Variants in SH3BP5 observed in about 807,000 individuals in gnomAD.
The protein encoded by SH3BP5 is SH3 domain-binding protein 5.
SH3BP5 carries 22 observed loss-of-function variants against 43.3 expected under a neutral mutation model. The ratio of observed to expected loss-of-function variants is 0.51; its 90% CI spans 0.36 to 0.73. The LOEUF (loss-of-function observed/expected upper bound fraction) is 0.73. Ranked by LOEUF, SH3BP5 falls within the 30% of genes least tolerant of loss-of-function variation. The pLI is 0.00. For missense variants in SH3BP5, 529 were observed against 586.9 expected, an observed-to-expected ratio of 0.90 and a Z score of 1.02; for synonymous variants, 255 against 225.8, an observed-to-expected ratio of 1.13 and a Z score of -1.16.
At chr3:15,287,068 C>A (rs993784723) in intron 3 of SH3BP5, among the ~76,000 whole-genome samples, 2 of 152,286 alleles carry the variant, frequency 1.3e-5, no homozygotes, top group Non-Finnish European at 1.5e-5. Context: ...CTTCTCTGTG[C>A]CTCAGTTACC....
chr3:15,312,826 A>G (rs889466359), intron 2 of SH3BP5, among the ~76,000 whole-genome samples: 3 of 152,368 alleles, frequency 2.0e-5, no homozygotes, highest in East Asian at 1.9e-4. Context: ...TCTGAAAGTC[A>G]TAAGTTGTAC....
At chr3:15,326,371 C>A (rs573584908) in intron 2 of SH3BP5, among the ~76,000 whole-genome samples, 1 of 152,316 alleles carries the variant, frequency 6.6e-6, no homozygotes, top group East Asian at 1.9e-4. Flanking sequence ...TACCCACAGA[C>A]AACTGCACCA....
chr3:15,304,153 C>A lies in SH3BP5; in HGVS notation c.280G>T (p.Ala94Ser). 1 of 1,614,186 alleles carries A rather than the reference C, an allele frequency of 6.2e-7. No individual in the cohort carries two copies. Among genetic ancestry groups the A allele is most frequent in the Non-Finnish European group, 8.5e-7 (1 of 1,180,036 alleles). The change falls in exon 3 of 9, where the codon GCT becomes TCT. Residue 94 changes from alanine to serine, a missense_variant. Coordinates refer to ENST00000383791, the MANE Select transcript of SH3BP5 (RefSeq NM_004844.5). The stretch of plus-strand genomic sequence containing the variant: ...CAGTAGGGCTTGGAGTCTTCCACAG[C>A]TTTGCCAATTTTCTTCACCAGTTCA... ...LDELVKKIGK[A>S]VEDSKPYWEA...
chr3:15,300,084 C>T (rs1697693638), intron 3 of SH3BP5, among the ~76,000 whole-genome samples: 1 of 151,908 alleles, frequency 6.6e-6, no homozygotes, highest in Admixed American at 6.6e-5. Context: ...ATAATGTAAC[C>T]ATCAAAAGTG....
intron 2 of SH3BP5, among the ~76,000 whole-genome samples, chr3:15,327,932 T>A (rs992070661): frequency 6.6e-6 from 1 of 152,232 alleles, no homozygotes; most frequent in African/African-American, 2.4e-5. Context: ...AGTAATTTTT[T>A]AATAGCAAGT....
Position 15,269,772 on chromosome 3 carries a change from C to T in SH3BP5, c.436G>A (p.Asp146Asn). ...GCGGAGTCGAACTGCCGCTTGTCAT[C>T]CTCCAGCAGCCGCTGCTCGGCCAGG... ...ISLAEQRLLEDDKRQFDSAWQ... is the reference protein window; with the variant it reads ...ISLAEQRLLENDKRQFDSAWQ... The change falls in exon 4 of 9, where the codon GAT becomes AAT. Residue 146 changes from aspartate (D) to asparagine (N), a missense_variant. Asp to Asn is a conservative substitution (Grantham distance 23, BLOSUM62 1). Coordinates refer to ENST00000383791, the MANE Select transcript of SH3BP5 (RefSeq NM_004844.5). 6.2e-7 allele frequency: 1 copy of T among 1,612,264 alleles called. No individual in the cohort carries two copies. Among genetic ancestry groups the T allele is most frequent in the African/African-American group, 1.3e-5 (1 of 75,024 alleles).
At chr3:15,309,909 C>CT (rs569045228) in intron 2 of SH3BP5, among the ~76,000 whole-genome samples, 1 of 108,208 alleles carries the variant, frequency 9.2e-6, no homozygotes, top group Non-Finnish European at 2.0e-5. Flanking sequence ...CCGCTCCACC[C>CT]CCCCCCCATA....
At chr3:15,314,456 CT>C (rs1698136337) in intron 2 of SH3BP5, among the ~76,000 whole-genome samples, 2 of 152,142 alleles carry the variant, frequency 1.3e-5, no homozygotes, top group African/African-American at 4.8e-5. Flanking sequence ...CTGATTCTAC[CT>C]TAAGAATTCT....
At chr3:15,330,341 G>A (rs909695741) in intron 2 of SH3BP5, among the ~76,000 whole-genome samples, 163 bp downstream of exon 2, 1 of 152,238 alleles carries the variant, frequency 6.6e-6, no homozygotes, top group Admixed American at 6.5e-5. Context: ...TCCGCCCACA[G>A]GTTGAGCTCA....
At chr3:15,328,313 C>G (rs1698515447) in intron 2 of SH3BP5, among the ~76,000 whole-genome samples, 1 of 152,082 alleles carries the variant, frequency 6.6e-6, no homozygotes, top group South Asian at 2.1e-4. Flanking sequence ...CAATTTCACC[C>G]CAAGAAAGTA....
intron 2 of SH3BP5, among the ~76,000 whole-genome samples, chr3:15,304,911 G>C (rs1697857781): frequency 1.3e-5 from 2 of 151,242 alleles, no homozygotes; most frequent in African/African-American, 4.9e-5. Context: ...CTGTGGGGGA[G>C]ATATCGGTAG....
chr3:15,288,924 C>G (rs1697336223), intron 3 of SH3BP5, among the ~76,000 whole-genome samples: 1 of 152,066 alleles, frequency 6.6e-6, no homozygotes, highest in African/African-American at 2.4e-5. Flanking sequence ...TCACAAATCT[C>G]CAACACAATG....
Position 15,340,024 on chromosome 3 carries a change from C to G in SH3BP5, c.-402+1199G>C, listed in dbSNP as rs145096054. Among the ~76,000 whole-genome samples, 7 of 152,078 alleles carry G rather than the reference C, an allele frequency of 4.6e-5. No homozygotes were observed. In the East Asian group the frequency reaches 1.4e-3, roughly 29 times the overall value. On this transcript the variant is annotated intron_variant, in intron 1 of 8. Coordinates refer to the SH3BP5 transcript ENST00000408919. Reference sequence around the variant, plus strand: ...AGGAGGAGAGAATACTTCTGTGTCCCGAGAAGAAAAATGACTCATCACCAT... The same window carrying G: ...AGGAGGAGAGAATACTTCTGTGTCCGGAGAAGAAAAATGACTCATCACCAT...
chr3:15,304,598 T>C (rs964118460), intron 2 of SH3BP5, among the ~76,000 whole-genome samples: 6 of 152,132 alleles, frequency 3.9e-5, no homozygotes, highest in African/African-American at 1.4e-4. Context: ...GCCCATCACT[T>C]GAGGTCAGGA....
intron 8 of SH3BP5, 56 bp downstream of exon 8, chr3:15,256,797 G>C (rs1180615764): frequency 6.5e-7 from 1 of 1,547,348 alleles, no homozygotes; most frequent in East Asian, 2.3e-5. Context: ...TGGCACAACA[G>C]TCAGGCTACA....
chr3:15,260,898 A>T (rs1032780490), intron 5 of SH3BP5, among the ~76,000 whole-genome samples: 3 of 152,230 alleles, frequency 2.0e-5, no homozygotes, highest in Non-Finnish European at 4.4e-5. Context: ...GGCAAAGTAC[A>T]ATCACAAGAT....
intron 3 of SH3BP5, among the ~76,000 whole-genome samples, chr3:15,282,386 A>G (rs569765754): frequency 2.0e-5 from 3 of 152,310 alleles, no homozygotes; most frequent in Middle Eastern, 3.4e-3. Flanking sequence ...TATCTTATTT[A>G]TTGCTGTGCA....
rs560417707 is a variant in SH3BP5, at chr3:15,321,496, T to C, written c.201+9008A>G. On this transcript the variant is annotated intron_variant, in intron 2 of 8. Coordinates refer to ENST00000383791, the MANE Select transcript of SH3BP5 (RefSeq NM_004844.5). ...CTAAAATTCCTTCCAGAGAAATTCA[T>C]TTATTTGGCTTATAAAGACTTTTTT... is the stretch of plus-strand genomic sequence containing the variant. Among the ~76,000 whole-genome samples the C allele has an allele frequency of 3.4e-4, 51 of 151,956 alleles. No individual in the cohort carries two copies. The South Asian group carries it at 4.1e-3, about 12-fold the overall frequency.
chr3:15,278,514 T>C (rs1697034209), intron 3 of SH3BP5, among the ~76,000 whole-genome samples: 1 of 152,214 alleles, frequency 6.6e-6, no homozygotes, highest in Admixed American at 6.5e-5. Flanking sequence ...TCCTGAATGA[T>C]GCTTCATTGA....
Sources: allele counts gnomAD v4.1 joint callset (sites outside exome capture counted in the v4.1 genomes callset), GRCh38; gene constraint gnomAD v4.1.1; transcripts MANE v1.5; gene names NCBI Gene and HGNC (gene_info 2026-07-23, HGNC 2026-07-21).